The following ZNF2 variants were observed in gnomAD, a reference collection of about 807,000 sequenced individuals.
The protein encoded by ZNF2 is zinc finger protein 2.
In ZNF2, 12 loss-of-function variants were observed where a neutral mutation model predicts 21.9. The ratio of observed to expected loss-of-function variants is 0.55; its 90% CI spans 0.35 to 0.89. The LOEUF (loss-of-function observed/expected upper bound fraction) is 0.89. Among genes scored for constraint, ZNF2 ranks in the 40% least tolerant of loss-of-function variants. The probability of loss-of-function intolerance (pLI) is 0.01; values close to 1 mark genes in which losing one functional copy is unlikely to be tolerated. For missense variants in ZNF2, 462 were observed against 544.2 expected, an observed-to-expected ratio of 0.85 and a Z score of 1.50; for synonymous variants, 186 against 196.3, an observed-to-expected ratio of 0.95 and a Z score of 0.44.
At chr2:95,168,697 A>G (rs1227874119) in intron 1 of ZNF2, among the ~76,000 whole-genome samples, 1 of 152,264 alleles carries the variant, frequency 6.6e-6, no homozygotes, top group Non-Finnish European at 1.5e-5. Flanking sequence ...AATGCTTTAT[A>G]TTAATGGTCT....
At chr2:95,172,412 C>T (rs1225544844) in intron 1 of ZNF2, among the ~76,000 whole-genome samples, 1 of 152,138 alleles carries the variant, frequency 6.6e-6, no homozygotes, top group Non-Finnish European at 1.5e-5. Flanking sequence ...CTGCACACCA[C>T]CCTTCTTTCC....
Position 95,181,912 on chromosome 2 carries a change from A to T in ZNF2, c.1084A>T (p.Ile362Phe). 6.2e-7 allele frequency: 1 copy of T among 1,614,268 alleles called. No individual in the cohort carries two copies. The highest frequency in any genetic ancestry group is 8.5e-7 in the Non-Finnish European group (1 of 1,180,050). Residue 362 changes from isoleucine to phenylalanine, a missense_variant, in exon 5 of 5, where the codon ATC becomes TTC. Physicochemically the swap from Ile to Phe is conservative, Grantham distance 21. Transcript: ENST00000614034. ...DRSSLTQHQK[I>F]HTGDKPYECS... ...CTCATCCCTTACACAGCATCAGAAG[A>T]TCCACACTGGAGACAAGCCATATGA...
At position 95,183,108 on chromosome 2, in the gene ZNF2, C is replaced by A. The variant is rs1173524893; in HGVS notation, c.*1002C>A. On this transcript the variant is annotated 3_prime_UTR_variant, in exon 5 of 5. Transcript: ENST00000614034. ...CAGCAGTAGCTTTCTAATTCCAGTTCTTCCTGCTTTATTGAAGAGGGATGT... is the reference window on the plus strand; with the variant it reads ...CAGCAGTAGCTTTCTAATTCCAGTTATTCCTGCTTTATTGAAGAGGGATGT... 6.6e-6 allele frequency: 1 copy of A among 152,258 alleles called. No homozygotes were observed. The highest frequency in any genetic ancestry group is 1.5e-5 in the Non-Finnish European group (1 of 68,054). 9.4% of individuals were successfully genotyped at this position (152,258 alleles called of 1,614,324 possible).
chr2:95,180,082 C>T, intron 3 of ZNF2, 77 bp from the exon 4 acceptor site: 4 of 1,020,604 alleles, frequency 3.9e-6, no homozygotes, highest in Non-Finnish European at 6.1e-6. Context: ...ATCTTAGAGG[C>T]TGGGATTGAG....
Position 95,181,088 on chromosome 2 carries a change from T to C in ZNF2, c.275-15T>C. On this transcript the variant is annotated splice_polypyrimidine_tract_variant and intron_variant, in intron 4 of 4. Coordinates refer to ENST00000614034, the MANE Select transcript of ZNF2 (RefSeq NM_021088.4). ...GCCCAGGAAAAAAACTGCATCTGTT[T>C]TCTGTTTGTTCCAGACTGGGAAACT... is the stretch of plus-strand genomic sequence containing the variant. The C allele has an allele frequency of 6.2e-7, 1 of 1,604,798 alleles. No individual in the cohort carries two copies. Among genetic ancestry groups the C allele is most frequent in the East Asian group, 2.2e-5 (1 of 44,762 alleles).
chr2:95,171,382 C>CTT (rs753994075), intron 1 of ZNF2, among the ~76,000 whole-genome samples: 1 of 141,288 alleles, frequency 7.1e-6, no homozygotes. Flanking sequence ...TCTTCTTCTT[C>CTT]TTTTTTTTTT....
rs745888672 is a variant in ZNF2, at chr2:95,177,503, C to T, written c.54C>T (p.Asp18=). The T allele has an allele frequency of 1.5e-4, 238 of 1,613,890 alleles. 1 individual carries two copies. The highest frequency in any genetic ancestry group is 1.8e-4 in the Non-Finnish European group (213 of 1,179,970). ...TRCQESVTFE[D]VAVVFTDEEW... is the part of the protein sequence containing the mutation. The stretch of plus-strand genomic sequence containing the variant: ...TTCAGGAATCAGTGACATTCGAAGA[C>T]GTTGCCGTGGTTTTCACAGATGAAG... Residue 18 remains aspartate, a synonymous_variant, in exon 3 of 5, where the codon GAC becomes GAT. Transcript: ENST00000614034.
chr2:95,169,297 C>T (rs1674193177), intron 1 of ZNF2, among the ~76,000 whole-genome samples: 1 of 152,166 alleles, frequency 6.6e-6, no homozygotes, highest in Non-Finnish European at 1.5e-5. Flanking sequence ...ATCTAATAAA[C>T]AAAACTTTGA....
At chr2:95,178,870 G>T (rs1674538350) in intron 3 of ZNF2, among the ~76,000 whole-genome samples, 1 of 151,994 alleles carries the variant, frequency 6.6e-6, no homozygotes, top group African/African-American at 2.4e-5. Flanking sequence ...ATATCCCGTA[G>T]CCATTACAAT....
chr2:95,182,075 A>C lies in ZNF2; in HGVS notation c.1247A>C (p.Gln416Pro), dbSNP rs758049102. ...FSSKSSVIQH[Q>P]RRYAKQGID ...TCAAAATCTTCTGTTATTCAACATC[A>C]ACGGCGTTACGCCAAACAGGGAATA... The change falls in exon 5 of 5, where the codon CAA becomes CCA. Residue 416 changes from glutamine (Q) to proline (P), a missense_variant. Coordinates refer to ENST00000614034, the MANE Select transcript of ZNF2 (RefSeq NM_021088.4). 1 of 1,610,728 alleles carries C rather than the reference A, an allele frequency of 6.2e-7. No individual in the cohort carries two copies. The highest frequency in any genetic ancestry group is 8.5e-7 in the Non-Finnish European group (1 of 1,177,488).
chr2:95,178,321 A>G (rs1674518015), intron 3 of ZNF2, among the ~76,000 whole-genome samples: 1 of 152,186 alleles, frequency 6.6e-6, no homozygotes, highest in Non-Finnish European at 1.5e-5. Flanking sequence ...GATGGCAGTA[A>G]AAGGAGTCAC....
At chr2:95,171,749 ATCTT>A (rs1312278314) in intron 1 of ZNF2, among the ~76,000 whole-genome samples, 1 of 152,064 alleles carries the variant, frequency 6.6e-6, no homozygotes, top group Non-Finnish European at 1.5e-5. Context: ...TCAGTTTGTC[ATCTT>A]TCTTATTTAA....
chr2:95,177,678 T>G (rs1674494408), intron 3 of ZNF2, 69 bp downstream of exon 3: 6 of 1,534,456 alleles, frequency 3.9e-6, no homozygotes, highest in Non-Finnish European at 4.4e-6. Flanking sequence ...GGCTGAGGAA[T>G]TAATACCGTT....
In ZNF2 at chr2:95,177,686, GT is replaced by G. The variant is rs961524187; in HGVS notation, c.160+79del. The G allele has an allele frequency of 3.3e-6, 5 of 1,511,984 alleles. No individual in the cohort carries two copies. The African/African-American group carries it at 5.6e-5, about 17-fold the overall frequency. The allele number at this position is 1,511,984 out of a possible 1,614,324, so 93.7% of individuals were successfully genotyped here. ...CTGAGAGGGCTGAGGAATTAATACC[GT>G]TCTCCTCCCCGCTGAGTTCTGAGCC... On this transcript the variant is annotated intron_variant, in intron 3 of 4. Coordinates refer to ENST00000614034, the MANE Select transcript of ZNF2 (RefSeq NM_021088.4).
intron 2 of ZNF2, 143 bp downstream of exon 2, chr2:95,176,402 C>T: frequency 1.0e-6 from 1 of 991,018 alleles, no homozygotes; most frequent in Non-Finnish European, 1.5e-6. Context: ...TCCTATTTGA[C>T]TTGAGGTATC....
intron 4 of ZNF2, 31 bp from the exon 5 acceptor site, chr2:95,181,072 A>G (rs1242827883): frequency 1.3e-6 from 2 of 1,598,302 alleles, no homozygotes; most frequent in African/African-American, 2.7e-5. Context: ...AGCCCAGGAA[A>G]AAAACTGCAT....
In ZNF2 at chr2:95,177,599, T is replaced by C. The variant is rs1226612288; in HGVS notation, c.150T>C (p.Ile50=). ...TGATGCTGGAGAACTATAACAGCAT[T>C]GTGTCATTGGGTAAGGGGAGCCTCC... is the stretch of plus-strand genomic sequence containing the variant. ...KEVMLENYNS[I]VSLGLPVPQP... Residue 50 remains isoleucine, a synonymous_variant, in exon 3 of 5, where the codon ATT becomes ATC. Coordinates refer to ENST00000614034, the MANE Select transcript of ZNF2 (RefSeq NM_021088.4). 3.7e-6 allele frequency: 6 copies of C among 1,613,602 alleles called. No homozygotes were observed. The South Asian group carries it at 6.6e-5, about 18-fold the overall frequency.
At position 95,181,827 on chromosome 2, in the gene ZNF2, A is replaced by G. The variant is rs367745247; in HGVS notation, c.999A>G (p.Lys333=). Residue 333 remains lysine, a synonymous_variant, in exon 5 of 5, where the codon AAA becomes AAG. Coordinates refer to ENST00000614034, the MANE Select transcript of ZNF2 (RefSeq NM_021088.4). ...YGVSSLNRHQ[K]AHAGDPRYQC... Reference sequence around the variant, plus strand: ...TCTCGTCTCTGAATAGACATCAGAAAGCTCATGCTGGGGACCCTCGCTATC... The same window carrying G: ...TCTCGTCTCTGAATAGACATCAGAAGGCTCATGCTGGGGACCCTCGCTATC... 1.1e-4 allele frequency: 180 copies of G among 1,614,226 alleles called. No individual in the cohort carries two copies. In the African/African-American group the frequency reaches 2.1e-3, roughly 19 times the overall value.
chr2:95,180,133 T>G (rs2104508680), intron 3 of ZNF2, 26 bp from the exon 4 acceptor site: 1 of 1,511,478 alleles, frequency 6.6e-7, no homozygotes, highest in East Asian at 2.3e-5. Context: ...CACAGCCACC[T>G]GCTTTGTTTC....
Sources: gnomAD v4.1 joint callset for allele counts (sites outside exome capture counted in the v4.1 genomes callset) on GRCh38, gnomAD v4.1.1 for gene constraint, MANE v1.5 for transcripts, NCBI Gene and HGNC (gene_info 2026-07-23, HGNC 2026-07-21) for gene names.